Variants in FRMPD4 observed in about 807,000 individuals in gnomAD.
The protein encoded by FRMPD4 is FERM and PDZ domain containing 4.
In FRMPD4, 22 loss-of-function variants were observed where a neutral mutation model predicts 94.1. The ratio of observed to expected loss-of-function variants is 0.23; its 90% CI spans 0.17 to 0.33. The LOEUF (loss-of-function observed/expected upper bound fraction) is 0.33. Ranked by LOEUF, FRMPD4 falls within the 10% of genes least tolerant of loss-of-function variation. The pLI, the probability that FRMPD4 is intolerant of heterozygous loss-of-function variation, is 1.00. For missense variants in FRMPD4, 1,111 were observed against 1,339.9 expected, an observed-to-expected ratio of 0.83 and a Z score of 2.67; for synonymous variants, 631 against 548.6, an observed-to-expected ratio of 1.15 and a Z score of -2.10.
At position 11,916,604 on chromosome X, in the gene FRMPD4, C is replaced by T. The variant is rs142109068; in HGVS notation, c.95+38586C>T. 5.1e-3 allele frequency among the ~76,000 whole-genome samples: 567 copies of T among 110,993 alleles called. 10 individuals are homozygous for T. The highest frequency in any genetic ancestry group is 0.044 in the Admixed American group (458 of 10,444). On this transcript the variant is annotated intron_variant, in intron 3 of 18. Transcript: ENST00000640291. ...GGAGAAGGGTTGGGTATCTCACCTC[C>T]CATGAAGGCTTCCTAGACCTCCTCA...
At chrX:11,898,256 C>A (rs1375700047) in intron 3 of FRMPD4, among the ~76,000 whole-genome samples, 1 of 111,298 alleles carries the variant, frequency 9.0e-6, no homozygotes, top group Non-Finnish European at 1.9e-5. Context: ...AGCAGCTTGG[C>A]ATGGGGCAAC....
intron 3 of FRMPD4, among the ~76,000 whole-genome samples, chrX:12,030,222 T>C (rs755285413): frequency 8.9e-6 from 1 of 111,944 alleles, no homozygotes; most frequent in South Asian, 3.8e-4. Context: ...AGCAAAAGGT[T>C]TTCTAGAAAA....
In FRMPD4 at chrX:12,512,376, C is replaced by G. The variant is rs748505150; in HGVS notation, c.158+13580C>G. On this transcript the variant is annotated intron_variant, in intron 2 of 16. Coordinates refer to ENST00000675598, the MANE Select transcript of FRMPD4 (RefSeq NM_001368397.1). ...TTTATCCTGACGCTCTCCCTCCCCC[C>G]ACAACCCCCAACTACAGGCCCCAGT... Among the ~76,000 whole-genome samples the G allele has an allele frequency of 2.7e-5, 3 of 112,066 alleles. No homozygotes were observed. In the Admixed American group the frequency reaches 2.8e-4, roughly 11 times the overall value.
chrX:12,711,413 G>T (rs2041984499), intron 14 of FRMPD4, among the ~76,000 whole-genome samples: 1 of 111,762 alleles, frequency 8.9e-6, no homozygotes, highest in Non-Finnish European at 1.9e-5. Context: ...GCACCAAGAT[G>T]GCAAAGACAT....
At chrX:12,563,523 A>G (rs150235714) in intron 2 of FRMPD4, among the ~76,000 whole-genome samples, 1,942 of 112,433 alleles carry the variant, frequency 0.017, 42 homozygotes, top group African/African-American at 0.059. Flanking sequence ...CCACCCTGGA[A>G]GATAAACACA....
At chrX:11,903,937 A>G (rs185514353) in intron 3 of FRMPD4, among the ~76,000 whole-genome samples, 12 of 110,694 alleles carry the variant, frequency 1.1e-4, no homozygotes, top group African/African-American at 3.6e-4. Context: ...GTGCTGCCAA[A>G]CCTGGCTAAT....
rs57877846 is a variant in FRMPD4, at chrX:12,696,586, C to CAAAAAAAAAAAAAAAAAAAA, written c.933+2133_933+2152dup. 2.6e-3 allele frequency among the ~76,000 whole-genome samples: 79 copies of CAAAAAAAAAAAAAAAAAAAA among 30,041 alleles called. 2 individuals carry two copies. The highest frequency in any genetic ancestry group is 4.7e-3 in the African/African-American group (45 of 9,500). 26.1% of individuals were successfully genotyped at this position (30,041 alleles called of 115,157 possible). ...AAAGAGAGAAAAAACAAAAATGAAG[C>CAAAAAAAAAAAAAAAAAAAA]AAAAAAAAAAAAAAAAAAAAGACAC... is the stretch of plus-strand genomic sequence containing the variant. On this transcript the variant is annotated intron_variant, in intron 9 of 16. Coordinates refer to ENST00000675598, the MANE Select transcript of FRMPD4 (RefSeq NM_001368397.1).
At position 12,718,282 on chromosome X, in the gene FRMPD4, T is replaced by G. The variant is rs753874683; in HGVS notation, c.3456T>G (p.Thr1152=). ...SGLGQGDRFL[T]DVTCASSAKD... ...TTGGTCAAGGGGACCGCTTCTTAACTGACGTGACCTGTGCATCTTCAGCCA... is the reference window on the plus strand; with the variant it reads ...TTGGTCAAGGGGACCGCTTCTTAACGGACGTGACCTGTGCATCTTCAGCCA... Residue 1152 remains threonine, a synonymous_variant, in exon 16 of 17, where the codon ACT becomes ACG. Transcript: ENST00000675598. 20 of 1,209,830 alleles carry G rather than the reference T, an allele frequency of 1.7e-5. No individual in the cohort carries two copies. The South Asian group carries it at 3.2e-4, about 19-fold the overall frequency.
chrX:12,394,864 G>A, intron 1 of FRMPD4, among the ~76,000 whole-genome samples: 1 of 111,851 alleles, frequency 8.9e-6, no homozygotes, highest in Non-Finnish European at 1.9e-5. Context: ...TGTTTATAAA[G>A]ATTCAGGGGA....
intron 4 of FRMPD4, among the ~76,000 whole-genome samples, chrX:12,638,196 A>T (rs1035719175): frequency 7.1e-5 from 8 of 112,541 alleles, no homozygotes; most frequent in Non-Finnish European, 1.9e-5. Flanking sequence ...CAAACACACA[A>T]GTGAGAAAAA....
chrX:12,677,841 C>G (rs995938572), intron 5 of FRMPD4, among the ~76,000 whole-genome samples: 1 of 111,380 alleles, frequency 9.0e-6, no homozygotes, highest in Non-Finnish European at 1.9e-5. Context: ...CCCTGAAATT[C>G]TTTGATAAGA....
At chrX:12,419,626 G>C (rs746109127) in intron 1 of FRMPD4, among the ~76,000 whole-genome samples, 1 of 111,210 alleles carries the variant, frequency 9.0e-6, no homozygotes, top group Non-Finnish European at 1.9e-5. Context: ...GAGAAGTGCT[G>C]GTCTAAAACT....
intron 1 of FRMPD4, among the ~76,000 whole-genome samples, chrX:12,152,385 TAGTA>T (rs940013062): frequency 2.7e-5 from 3 of 111,115 alleles, no homozygotes; most frequent in African/African-American, 9.8e-5. Flanking sequence ...TAAGTGAAAA[TAGTA>T]AGACTCACAA....
intron 1 of FRMPD4, among the ~76,000 whole-genome samples, chrX:12,191,945 A>G (rs1172385484): frequency 9.0e-6 from 1 of 111,673 alleles, no homozygotes; most frequent in Admixed American, 9.4e-5. Flanking sequence ...TGGGATTTTG[A>G]TAGTTGGGGA....
intron 2 of FRMPD4, among the ~76,000 whole-genome samples, chrX:12,553,547 C>A (rs1214900891): frequency 9.7e-6 from 1 of 103,096 alleles, no homozygotes; most frequent in Non-Finnish European, 2.0e-5. Context: ...TAACAACCTT[C>A]AACTCCCCTG....
At chrX:12,185,798 T>A (rs192136298) in intron 1 of FRMPD4, among the ~76,000 whole-genome samples, 2 of 111,784 alleles carry the variant, frequency 1.8e-5, no homozygotes, top group East Asian at 5.7e-4. Flanking sequence ...ATTGTAACTT[T>A]ATTGCATATT....
intron 1 of FRMPD4, among the ~76,000 whole-genome samples, chrX:12,449,304 G>A (rs1215195047): frequency 8.9e-6 from 1 of 112,097 alleles, no homozygotes; most frequent in East Asian, 2.8e-4. Flanking sequence ...CACTGTCCTT[G>A]AGTGTTAAGT....
intron 3 of FRMPD4, among the ~76,000 whole-genome samples, chrX:11,890,213 A>C (rs1369503296): frequency 8.9e-6 from 1 of 112,647 alleles, no homozygotes; most frequent in Non-Finnish European, 1.9e-5. Flanking sequence ...GAAGTGAAAT[A>C]GTTTGTTTAA....
chrX:11,909,171 C>A (rs1222471022), intron 3 of FRMPD4, among the ~76,000 whole-genome samples: 1 of 111,808 alleles, frequency 8.9e-6, no homozygotes, highest in African/African-American at 3.2e-5. Context: ...ACCATTAAAG[C>A]CACCTGGTCT....
Sources: allele counts gnomAD v4.1 joint callset (sites outside exome capture counted in the v4.1 genomes callset), GRCh38; gene constraint gnomAD v4.1.1; transcripts MANE v1.5; gene names NCBI Gene and HGNC (gene_info 2026-07-23, HGNC 2026-07-21).